FGF1: variants seen among roughly 807,000 people sequenced by gnomAD.
The protein encoded by FGF1 is beta-endothelial cell growth factor.
Under a neutral mutation model 13.4 loss-of-function variants are expected in FGF1, and 9 were observed. The ratio of observed to expected loss-of-function variants is 0.67; its 90% CI spans 0.40 to 1.17. The LOEUF (loss-of-function observed/expected upper bound fraction) is 1.17, where lower values mean the gene tolerates loss of function less well. FGF1 is among the 50% of genes most tolerant of loss of function. FGF1 has a pLI of 0.01. For synonymous variants in FGF1, 93 were observed against 79.0 expected (o/e 1.18, Z -0.94); for missense variants, 156 against 192.7 (o/e 0.81, Z 1.13).
chr5:142,667,108 C>T (rs1188676161), intron 1 of FGF1, among the ~76,000 whole-genome samples: 3 of 151,668 alleles, frequency 2.0e-5, no homozygotes, highest in Non-Finnish European at 2.9e-5. Flanking sequence ...GGTAAAACCC[C>T]GTCTCTACTA....
intron 1 of FGF1, among the ~76,000 whole-genome samples, chr5:142,683,055 T>G (rs1774006459): frequency 6.6e-6 from 1 of 152,198 alleles, no homozygotes; most frequent in Non-Finnish European, 1.5e-5. Flanking sequence ...ATTTGTTGAT[T>G]AGTGAACCCT....
chr5:142,644,675 A>G (rs1174184096), intron 1 of FGF1, among the ~76,000 whole-genome samples: 1 of 152,128 alleles, frequency 6.6e-6, no homozygotes, highest in Admixed American at 6.5e-5. Context: ...ATGTCATATG[A>G]TTTAGCATAT....
chr5:142,610,784 AT>A (rs1388070407), intron 2 of FGF1, among the ~76,000 whole-genome samples: 1 of 152,180 alleles, frequency 6.6e-6, no homozygotes. Context: ...CAGTAGAGAC[AT>A]TTTACTCAGG....
intron 1 of FGF1, among the ~76,000 whole-genome samples, chr5:142,685,274 G>T (rs1271051207): frequency 6.6e-6 from 1 of 152,172 alleles, no homozygotes; most frequent in African/African-American, 2.4e-5. Flanking sequence ...AGAAAGGAAG[G>T]AAAGAAGTAA....
intron 2 of FGF1, among the ~76,000 whole-genome samples, chr5:142,602,410 T>C (rs2282795): frequency 0.084 from 12,779 of 152,068 alleles, 935 homozygotes; most frequent in African/African-American, 0.19. Flanking sequence ...TTCCTGACCT[T>C]ATGCTCTGCC....
At position 142,595,181 on chromosome 5, in the gene FGF1, T is replaced by C; in HGVS notation, c.*109A>G. On this transcript the variant is annotated 3_prime_UTR_variant, in exon 4 of 4. Transcript: ENST00000337706. ...GCAAGTTGCTTACAAATTCAGGCTC[T>C]GTGGGCTGGGGGTTAGCGCAGCCAA... 1 of 856,694 alleles carries C rather than the reference T, an allele frequency of 1.2e-6. No individual in the cohort carries two copies. Among genetic ancestry groups the C allele is most frequent in the Non-Finnish European group, 1.8e-6 (1 of 544,246 alleles). 53.1% of individuals were successfully genotyped at this position (856,694 alleles called of 1,614,324 possible). A position where few individuals can be genotyped will look rare whatever the true frequency, so the allele number is the denominator to read the frequency against.
At chr5:142,692,676 C>A (rs140101143) in intron 2 of FGF1, among the ~76,000 whole-genome samples, 15 of 149,658 alleles carry the variant, frequency 1.0e-4, no homozygotes, top group African/African-American at 3.2e-4. Flanking sequence ...CACACACACA[C>A]GCACACACGC....
At chr5:142,625,688 T>C (rs1023085802) in intron 1 of FGF1, among the ~76,000 whole-genome samples, 1 of 152,206 alleles carries the variant, frequency 6.6e-6, no homozygotes, top group African/African-American at 2.4e-5. Flanking sequence ...GCCCCAGGGC[T>C]TCACGCCAAA....
chr5:142,628,505 G>C (rs999509178), intron 1 of FGF1, among the ~76,000 whole-genome samples: 1 of 152,174 alleles, frequency 6.6e-6, no homozygotes, highest in Admixed American at 6.5e-5. Flanking sequence ...GCAAGACTCC[G>C]TCTCAAAATC....
At chr5:142,598,793 G>A (rs1228560232) in intron 3 of FGF1, among the ~76,000 whole-genome samples, 1 of 152,188 alleles carries the variant, frequency 6.6e-6, no homozygotes, top group Non-Finnish European at 1.5e-5. Context: ...GAATTGTAGT[G>A]ATGGCCACGG....
intron 1 of FGF1, among the ~76,000 whole-genome samples, chr5:142,639,970 G>T (rs901813739): frequency 3.3e-5 from 5 of 152,004 alleles, no homozygotes; most frequent in African/African-American, 1.2e-4. Flanking sequence ...TACCTGAAAA[G>T]ATGCATGCTG....
intron 1 of FGF1, among the ~76,000 whole-genome samples, chr5:142,621,764 C>G (rs17223500): frequency 0.011 from 1,748 of 152,282 alleles, 34 homozygotes; most frequent in African/African-American, 0.04. Context: ...CATTTCCCAT[C>G]ACGTCTCCCT....
intron 1 of FGF1, among the ~76,000 whole-genome samples, chr5:142,647,461 A>G (rs905801989): frequency 6.6e-6 from 1 of 152,206 alleles, no homozygotes; most frequent in Non-Finnish European, 1.5e-5. Flanking sequence ...GCGTGCTCCC[A>G]TGTGCACACA....
intron 1 of FGF1, among the ~76,000 whole-genome samples, chr5:142,623,323 C>T (rs534778785): frequency 6.6e-6 from 1 of 151,626 alleles, no homozygotes; most frequent in South Asian, 2.1e-4. Flanking sequence ...GCTTGACTAT[C>T]ACCAGCTGTG....
intron 1 of FGF1, among the ~76,000 whole-genome samples, chr5:142,657,905 A>G (rs571299838): frequency 1.3e-5 from 2 of 151,982 alleles, no homozygotes; most frequent in African/African-American, 4.8e-5. Flanking sequence ...GGCCTGTCCT[A>G]GGTGGTTCTG....
intron 2 of FGF1, among the ~76,000 whole-genome samples, chr5:142,601,311 G>A (rs1279685214): frequency 1.3e-5 from 2 of 152,152 alleles, no homozygotes; most frequent in Admixed American, 6.5e-5. Flanking sequence ...TCCGCAGATC[G>A]TTATTTTATA....
At chr5:142,690,103 A>C (rs949629859), upstream of FGF1, among the ~76,000 whole-genome samples, 2 of 149,248 alleles carry the variant, frequency 1.3e-5, no homozygotes, top group Non-Finnish European at 3.0e-5. Context: ...GGGCGGATCA[A>C]GAGGTCAGGA....
chr5:142,668,636 G>C (rs569343941), intron 1 of FGF1, among the ~76,000 whole-genome samples: 2 of 152,330 alleles, frequency 1.3e-5, no homozygotes, highest in East Asian at 3.9e-4. Flanking sequence ...TTTATAAAAG[G>C]AGGCCAGTGA....
intron 1 of FGF1, among the ~76,000 whole-genome samples, chr5:142,636,693 C>T (rs1359864468): frequency 6.6e-6 from 1 of 150,410 alleles, no homozygotes; most frequent in African/African-American, 2.5e-5. Context: ...CTTCGGAAGA[C>T]TTCTTAGAGG....
Sources: allele counts gnomAD v4.1 joint callset (sites outside exome capture counted in the v4.1 genomes callset), GRCh38; gene constraint gnomAD v4.1.1; transcripts MANE v1.5; gene names NCBI Gene and HGNC (gene_info 2026-07-23, HGNC 2026-07-21).